The following SNX6 variants were observed in gnomAD, a reference collection of about 807,000 sequenced individuals.
The protein encoded by SNX6 is sorting nexin 6.
SNX6 carries 34 observed loss-of-function variants against 63.0 expected under a neutral mutation model. That is an observed-to-expected ratio of 0.54 (90% CI 0.41 to 0.72). The LOEUF (loss-of-function observed/expected upper bound fraction) is 0.72. Among genes scored for constraint, SNX6 ranks in the 30% least tolerant of loss-of-function variants. The probability of loss-of-function intolerance (pLI) is 0.00; values close to 1 mark genes in which losing one functional copy is unlikely to be tolerated. For missense variants in SNX6, 398 were observed against 471.4 expected, an observed-to-expected ratio of 0.84 and a Z score of 1.44; for synonymous variants, 170 against 164.2, an observed-to-expected ratio of 1.04 and a Z score of -0.27.
At chr14:34,608,546 T>C (rs1883106630) in intron 3 of SNX6, among the ~76,000 whole-genome samples, 1 of 152,196 alleles carries the variant, frequency 6.6e-6, no homozygotes, top group African/African-American at 2.4e-5. Context: ...AAGTCTACCA[T>C]AAAACTCTGA....
At chr14:34,587,255 G>A (rs540591647) in intron 8 of SNX6, among the ~76,000 whole-genome samples, 20 of 151,798 alleles carry the variant, frequency 1.3e-4, no homozygotes, top group Non-Finnish European at 2.2e-4. Context: ...TAACATGGCC[G>A]GGCACGGTGG....
At position 34,599,104 on chromosome 14, in the gene SNX6, A is replaced by G. The variant is rs1175445146; in HGVS notation, c.517-1459T>C. ...CTAGCACCCTGATCTTGGGCTTCCCATTCTCCAGAACTGTAAATGATAAAT... is the reference window on the plus strand; with the variant it reads ...CTAGCACCCTGATCTTGGGCTTCCCGTTCTCCAGAACTGTAAATGATAAAT... On this transcript the variant is annotated intron_variant, in intron 6 of 13. Coordinates refer to ENST00000362031, the MANE Select transcript of SNX6 (RefSeq NM_152233.4). Among the ~76,000 whole-genome samples the G allele has an allele frequency of 3.9e-5, 6 of 152,212 alleles. No individual in the cohort carries two copies. The East Asian group carries it at 1.2e-3, about 29-fold the overall frequency.
Position 34,581,608 on chromosome 14 carries a change from G to A in SNX6, c.795-8C>T, listed in dbSNP as rs754849791. ...GAAACTTTGAGAAAAAACCTGGAAA[G>A]GAAAATATTTTCATCATATTCTACA... On this transcript the variant is annotated splice_polypyrimidine_tract_variant and splice_region_variant and intron_variant, in intron 9 of 13. Transcript: ENST00000362031. 3 of 1,470,612 alleles carry A rather than the reference G, an allele frequency of 2.0e-6. No individual in the cohort carries two copies. Among genetic ancestry groups the A allele is most frequent in the Admixed American group, 1.7e-5 (1 of 58,056 alleles). The allele number at this position is 1,470,612 out of a possible 1,614,324, so 91.1% of individuals were successfully genotyped here. A position where few individuals can be genotyped will look rare whatever the true frequency, so the allele number is the denominator to read the frequency against.
rs1049478728 is a variant in SNX6 at position 34,626,680 on chromosome 14, A to AAAAAAG, written c.54+3226_54+3227insCTTTTT. Among the ~76,000 whole-genome samples, 41 of 151,738 alleles carry AAAAAAG rather than the reference A, an allele frequency of 2.7e-4. No individual in the cohort carries two copies. The East Asian group carries it at 5.4e-3, about 20-fold the overall frequency. ...CGAGACTCCATTTCAAAAAAAAAAA[A>AAAAAAG]AGAGAAAGTTTCTGGACAAATTACT... On this transcript the variant is annotated intron_variant, in intron 2 of 13. Coordinates refer to ENST00000362031, the MANE Select transcript of SNX6 (RefSeq NM_152233.4).
At chr14:34,617,247 GATT>G (rs1464175262) in intron 2 of SNX6, among the ~76,000 whole-genome samples, 1 of 152,090 alleles carries the variant, frequency 6.6e-6, no homozygotes, top group Non-Finnish European at 1.5e-5. Flanking sequence ...TCAAGAGAAA[GATT>G]ATGACAAAAA....
At chr14:34,598,218 G>A (rs77530227) in intron 6 of SNX6, among the ~76,000 whole-genome samples, 2 of 152,266 alleles carry the variant, frequency 1.3e-5, no homozygotes, top group East Asian at 3.9e-4. Flanking sequence ...ACAAGCAGCA[G>A]CTAACTCTTT....
chr14:34,607,205 C>T (rs1332486598), intron 4 of SNX6, among the ~76,000 whole-genome samples: 1 of 152,096 alleles, frequency 6.6e-6, no homozygotes, highest in East Asian at 1.9e-4. Flanking sequence ...CCCACATCCC[C>T]TAAGAAAACA....
chr14:34,568,144 A>ATT (rs35123961), intron 11 of SNX6, 131 bp from the exon 12 acceptor site: 11,319 of 448,312 alleles, frequency 0.025, no homozygotes, highest in South Asian at 0.033. Context: ...AGTTACTCCA[A>ATT]TTTTTTTTTT....
chr14:34,594,014 G>A (rs1047361661), intron 7 of SNX6, among the ~76,000 whole-genome samples: 4 of 152,072 alleles, frequency 2.6e-5, no homozygotes, highest in Admixed American at 6.6e-5. Flanking sequence ...ATGAGCCACC[G>A]CACTTGGCCT....
intron 10 of SNX6, among the ~76,000 whole-genome samples, chr14:34,576,118 G>A (rs1881688993): frequency 6.6e-6 from 1 of 151,424 alleles, no homozygotes; most frequent in Non-Finnish European, 1.5e-5. Context: ...GTAGAGACGG[G>A]GTTTCACCAT....
intron 13 of SNX6, among the ~76,000 whole-genome samples, chr14:34,564,544 C>T (rs1239701741): frequency 4.6e-5 from 7 of 151,850 alleles, no homozygotes; most frequent in Admixed American, 4.6e-4. Context: ...AGTATAGAAT[C>T]TGGCCAGGCG....
rs756155484 is a variant in SNX6 at position 34,608,111 on chromosome 14, C to T, written c.189G>A (p.Glu63=). The T allele has an allele frequency of 3.2e-5, 51 of 1,606,978 alleles. No individual in the cohort carries two copies. Among genetic ancestry groups the T allele is most frequent in the Non-Finnish European group, 4.2e-5 (50 of 1,176,700 alleles). Residue 63 remains glutamate, a synonymous_variant, in exon 4 of 14, where the codon GAG becomes GAA. Coordinates refer to ENST00000362031, the MANE Select transcript of SNX6 (RefSeq NM_152233.4). ...KSSLPNFKQN[E]FSVVRQHEEF... ...CCTCATGTTGCCGAACAACTGAAAA[C>T]TCGTTTTGTTTAAAATTTGGCAATG...
At chr14:34,605,105 G>C (rs1018400441) in intron 5 of SNX6, among the ~76,000 whole-genome samples, 1 of 151,864 alleles carries the variant, frequency 6.6e-6, no homozygotes, top group Non-Finnish European at 1.5e-5. Flanking sequence ...ACATACATAC[G>C]CAGTTTTTAA....
chr14:34,572,690 G>GT (rs752436135), intron 11 of SNX6, among the ~76,000 whole-genome samples: 222 of 148,884 alleles, frequency 1.5e-3, no homozygotes, highest in Non-Finnish European at 2.2e-3. Flanking sequence ...GTTTTTTTTT[G>GT]TTTTTTTTGA....
chr14:34,563,316 T>C (rs776219184), intron 13 of SNX6, 141 bp from the exon 14 acceptor site: 4 of 706,946 alleles, frequency 5.7e-6, no homozygotes, highest in Non-Finnish European at 9.4e-6. Flanking sequence ...CCCAGCACTC[T>C]GGGAGGCCGA....
chr14:34,603,720 T>G (rs1882912118), intron 5 of SNX6, among the ~76,000 whole-genome samples: 1 of 152,172 alleles, frequency 6.6e-6, no homozygotes, highest in Non-Finnish European at 1.5e-5. Flanking sequence ...TTTACAAATT[T>G]TTCTTACTTA....
chr14:34,625,419 C>T (rs971161339), intron 2 of SNX6, among the ~76,000 whole-genome samples: 10 of 152,114 alleles, frequency 6.6e-5, no homozygotes, highest in Non-Finnish European at 8.8e-5. Context: ...CAAACAGAAA[C>T]TCCTTGGGTG....
At chr14:34,622,890 G>A (rs536045556) in intron 2 of SNX6, among the ~76,000 whole-genome samples, 2 of 152,318 alleles carry the variant, frequency 1.3e-5, no homozygotes, top group South Asian at 4.1e-4. Flanking sequence ...AACAGTAGGT[G>A]TATTTCATAG....
At chr14:34,608,962 A>G (rs572989036) in intron 3 of SNX6, among the ~76,000 whole-genome samples, 1 of 152,176 alleles carries the variant, frequency 6.6e-6, no homozygotes, top group East Asian at 1.9e-4. Context: ...CAGGAGGCAG[A>G]GGTTGCAGTG....
Sources: gnomAD v4.1 joint callset for allele counts (sites outside exome capture counted in the v4.1 genomes callset) on GRCh38, gnomAD v4.1.1 for gene constraint, MANE v1.5 for transcripts, NCBI Gene and HGNC (gene_info 2026-07-23, HGNC 2026-07-21) for gene names.